The following ANKMY1 variants were observed in gnomAD, a reference collection of about 807,000 sequenced individuals.
The protein encoded by ANKMY1 is ankyrin repeat and MYND domain-containing protein 1.
In ANKMY1, 98 loss-of-function variants were observed where a neutral mutation model predicts 102.0. The observed-to-expected ratio is 0.96, with a 90% CI of 0.82 to 1.14. The LOEUF (loss-of-function observed/expected upper bound fraction) is 1.14, where lower values mean the gene tolerates loss of function less well. Ranked by LOEUF, ANKMY1 falls within the 50% of genes most tolerant of loss-of-function variation. The probability of loss-of-function intolerance (pLI) is 0.00; values close to 1 mark genes in which losing one functional copy is unlikely to be tolerated. For missense variants in ANKMY1, 1,330 were observed against 1,347.6 expected (o/e 0.99, Z 0.20); for synonymous variants, 582 against 559.9 (o/e 1.04, Z -0.56).
At chr2:240,527,296 G>A (rs1237144454) in intron 5 of ANKMY1, 9 of 147,618 alleles carry the variant, frequency 6.1e-5, no homozygotes, top group African/African-American at 2.3e-4. Flanking sequence ...ATGGGTAGGT[G>A]AGTGGATGAC....
At chr2:240,511,664 G>A (rs955026877) in intron 11 of ANKMY1, among the ~76,000 whole-genome samples, 197 bp downstream of exon 11, 31 of 152,264 alleles carry the variant, frequency 2.0e-4, no homozygotes, top group Admixed American at 1.7e-3. Context: ...GGCCCCGTGC[G>A]CAGGCGTGCG....
chr2:240,547,047 A>AG (rs2090532985), intron 4 of ANKMY1, among the ~76,000 whole-genome samples: 1 of 152,186 alleles, frequency 6.6e-6, no homozygotes, highest in African/African-American at 2.4e-5. Flanking sequence ...CCCCAAATCA[A>AG]CAGAATATAC....
At chr2:240,469,738 G>A in the ANKMY1 span, among the ~76,000 whole-genome samples, 1 of 151,964 alleles carries the variant, frequency 6.6e-6, no homozygotes, top group East Asian at 1.9e-4. Flanking sequence ...ATCCATACAC[G>A]TGCACACACT....
intron 4 of ANKMY1, among the ~76,000 whole-genome samples, chr2:240,541,765 G>C (rs547319449): frequency 6.6e-6 from 1 of 151,866 alleles, no homozygotes; most frequent in South Asian, 2.1e-4. Flanking sequence ...GCCTTCCAAA[G>C]CACTGGGATT....
At position 240,509,207 on chromosome 2, in the gene ANKMY1, G is replaced by A. The variant is rs77498120; in HGVS notation, c.2394+141C>T. The A allele has an allele frequency of 8.4e-4, 543 of 647,918 alleles. No individual in the cohort carries two copies. In the African/African-American group the frequency reaches 0.011, roughly 13 times the overall value. 40.1% of individuals were successfully genotyped at this position (647,918 alleles called of 1,614,324 possible). A position where few individuals can be genotyped will look rare whatever the true frequency, so the allele number is the denominator to read the frequency against. On this transcript the variant is annotated intron_variant, in intron 12 of 17. Transcript: ENST00000401804. ...TGGGTGGATAGATGGGTGGGTGAGTGGATGGGTGGATGGATGAATGGATGG... is the reference window on the plus strand; with the variant it reads ...TGGGTGGATAGATGGGTGGGTGAGTAGATGGGTGGATGGATGAATGGATGG...
chr2:240,507,636 C>T lies in ANKMY1; in HGVS notation c.2450G>A (p.Gly817Asp), dbSNP rs762355889. 5 of 1,611,938 alleles carry T rather than the reference C, an allele frequency of 3.1e-6. No individual in the cohort carries two copies. The highest frequency in any genetic ancestry group is 1.7e-5 in the Admixed American group (1 of 59,804). The change falls in exon 13 of 18, where the codon GGC becomes GAC. Residue 817 changes from glycine to aspartate, a missense_variant. Physicochemically the swap from Gly to Asp is moderately conservative, Grantham distance 94. Coordinates refer to ENST00000401804, the MANE Select transcript of ANKMY1 (RefSeq NM_001282771.3). The stretch of plus-strand genomic sequence containing the variant: ...GGCAACACACAGGGCACTGCCCAAG[C>T]CTTTGGTCAGGGGCAGGTTGGGGTC... ...GADPNLPLTK[G>D]LGSALCVACD...
Position 240,506,629 on chromosome 2 carries a change from C to G in ANKMY1, c.2526+931G>C, listed in dbSNP as rs1011345147. Among the ~76,000 whole-genome samples the G allele has an allele frequency of 6.6e-6, 1 of 151,660 alleles. No individual in the cohort carries two copies. Among genetic ancestry groups the G allele is most frequent in the African/African-American group, 2.4e-5 (1 of 41,186 alleles). On this transcript the variant is annotated intron_variant, in intron 13 of 17. Coordinates refer to ENST00000401804, the MANE Select transcript of ANKMY1 (RefSeq NM_001282771.3). This position sits in a 1 kb window ranked among gnomAD's most constrained non-coding sequence, Gnocchi z 4.9. ...CTTCCAAATGCCTGGGTCTCGCCCC[C>G]CATTCCAGACGCCTGAGTCTCACCC...
At chr2:240,545,784 A>G (rs1442279478) in intron 4 of ANKMY1, among the ~76,000 whole-genome samples, 1 of 152,228 alleles carries the variant, frequency 6.6e-6, no homozygotes, top group Admixed American at 6.5e-5. Flanking sequence ...AGTGAATGAA[A>G]TGAAGCGAGA....
intron 4 of ANKMY1, among the ~76,000 whole-genome samples, chr2:240,552,535 T>A (rs1238977675): frequency 6.6e-6 from 1 of 152,224 alleles, no homozygotes; most frequent in Non-Finnish European, 1.5e-5. Flanking sequence ...TGGGTGAATT[T>A]TACTGTAAAT....
intron 15 of ANKMY1, among the ~76,000 whole-genome samples, chr2:240,496,521 T>C (rs1208816850): frequency 6.6e-6 from 1 of 152,232 alleles, no homozygotes; most frequent in Non-Finnish European, 1.5e-5. Context: ...TTTCCTTCAT[T>C]CTTCTCCCTT....
intron 1 of ANKMY1, 49 bp from the exon 2 acceptor site, chr2:240,557,401 G>T: frequency 4.3e-6 from 6 of 1,410,396 alleles, no homozygotes; most frequent in Non-Finnish European, 5.6e-6. Context: ...CTCCCGCCGC[G>T]AACTCAGAGG....
rs1246545542 is a variant in ANKMY1 at position 240,500,095 on chromosome 2, T to C, written c.2669A>G (p.His890Arg). ...CTCGCGCTCTGCTGGCATCAGCGTGTGGAAGGGGCAGCGGGCAATCCTCCG... is the reference window on the plus strand; with the variant it reads ...CTCGCGCTCTGCTGGCATCAGCGTGCGGAAGGGGCAGCGGGCAATCCTCCG... Reference protein sequence around the residue: ...QDRRIARCPFHTLMPAERETF... With the variant: ...QDRRIARCPFRTLMPAERETF... Residue 890 changes from histidine to arginine, a missense_variant, in exon 15 of 18, where the codon CAC (histidine) becomes CGC (arginine). Physicochemically the swap from His to Arg is conservative, Grantham distance 29. Transcript: ENST00000401804. 1 of 1,609,102 alleles carries C rather than the reference T, an allele frequency of 6.2e-7. No homozygotes were observed. Among genetic ancestry groups the C allele is most frequent in the Non-Finnish European group, 8.5e-7 (1 of 1,178,128 alleles).
At chr2:240,555,396 G>A (rs2092211934) in intron 2 of ANKMY1, 1 of 297,502 alleles carries the variant, frequency 3.4e-6, no homozygotes, top group Admixed American at 4.3e-5. Flanking sequence ...GCTGCCTGCA[G>A]GACGTGGGTG....
chr2:240,474,193 C>T, the ANKMY1 span, among the ~76,000 whole-genome samples: 1 of 151,432 alleles, frequency 6.6e-6, no homozygotes, highest in African/African-American at 2.4e-5. Flanking sequence ...CCTCCCAGGT[C>T]CATGCCATTC....
At chr2:240,528,294 C>CA (rs2084367408) in intron 5 of ANKMY1, among the ~76,000 whole-genome samples, 1 of 85,424 alleles carries the variant, frequency 1.2e-5, no homozygotes, top group Non-Finnish European at 2.6e-5. Flanking sequence ...CCTGCCCCCA[C>CA]CCCCCCCCCA....
chr2:240,491,108 T>C (rs1386160744), intron 15 of ANKMY1, among the ~76,000 whole-genome samples: 3 of 146,606 alleles, frequency 2.0e-5, no homozygotes, highest in Non-Finnish European at 4.6e-5. Context: ...TTTTTTTTTT[T>C]ACTCTTCCTG....
intron 4 of ANKMY1, among the ~76,000 whole-genome samples, chr2:240,535,845 C>T (rs1223034122): frequency 6.6e-6 from 1 of 151,304 alleles, no homozygotes; most frequent in Admixed American, 6.6e-5. Flanking sequence ...CCAACCCCAC[C>T]ACACCCCCCT....
At chr2:240,528,055 G>A (rs1454280723) in intron 5 of ANKMY1, among the ~76,000 whole-genome samples, 3 of 152,208 alleles carry the variant, frequency 2.0e-5, no homozygotes, top group African/African-American at 4.8e-5. Flanking sequence ...TTGGGAGGCT[G>A]AGGCGGGTGG....
In ANKMY1 at chr2:240,481,072, G is replaced by A; in HGVS notation, c.2911C>T (p.Gln971Ter). 1.9e-6 allele frequency: 3 copies of A among 1,611,994 alleles called. No individual in the cohort carries two copies. The highest frequency in any genetic ancestry group is 2.5e-6 in the Non-Finnish European group (3 of 1,178,422). ...CGGACCCCGATGGAGCGGCCACACTGGTAGCAGAACTTGAAGAAGGGAATT... is the reference window on the plus strand; with the variant it reads ...CGGACCCCGATGGAGCGGCCACACTAGTAGCAGAACTTGAAGAAGGGAATT... ...GQIPFFKFCY[Q>*]CGRSIGVRLL... The change falls in exon 17 of 18, where the codon CAG becomes TAG. Residue 971 changes from glutamine to a stop codon, truncating the protein, a stop_gained. Transcript: ENST00000401804. LOFTEE classifies it high-confidence loss of function.
Sources: allele counts gnomAD v4.1 joint callset (sites outside exome capture counted in the v4.1 genomes callset), GRCh38; gene constraint gnomAD v4.1.1; non-coding constraint Gnocchi (gnomAD v3.1); transcripts MANE v1.5; gene names NCBI Gene and HGNC (gene_info 2026-07-23, HGNC 2026-07-21).